TFEC: variants seen among roughly 807,000 people sequenced by gnomAD.
TFEC encodes transcription factor EC, also known as class E basic helix-loop-helix protein 34.
A neutral mutation model predicts 41.6 loss-of-function variants in TFEC; 31 were observed. The ratio of observed to expected loss-of-function variants is 0.74; its 90% CI spans 0.56 to 1.01. The LOEUF is 1.01. Ranked by LOEUF, TFEC falls within the 50% of genes least tolerant of loss-of-function variation. The pLI is 0.00. For synonymous variants in TFEC, 143 were observed against 140.6 expected, an observed-to-expected ratio of 1.02 and a Z score of -0.12; for missense variants, 402 against 404.1, an observed-to-expected ratio of 0.99 and a Z score of 0.04.
At chr7:116,015,050 A>G (rs993323022) in intron 1 of TFEC, among the ~76,000 whole-genome samples, 2 of 151,504 alleles carry the variant, frequency 1.3e-5, no homozygotes, top group African/African-American at 2.4e-5. Flanking sequence ...TAATTTTGTT[A>G]CAGCAGCAAT....
intron 1 of TFEC, among the ~76,000 whole-genome samples, chr7:115,996,302 C>T (rs1269584602): frequency 6.6e-6 from 1 of 152,040 alleles, no homozygotes; most frequent in Non-Finnish European, 1.5e-5. Context: ...CAGAGCCTAG[C>T]TCATGGCCAT....
chr7:115,952,449 T>C (rs1375696783), intron 5 of TFEC, among the ~76,000 whole-genome samples: 1 of 152,088 alleles, frequency 6.6e-6, no homozygotes, highest in African/African-American at 2.4e-5. Context: ...TTAACTCTTA[T>C]AAGCCAGACT....
chr7:116,081,044 C>G (rs941464911), intron 3 of TFEC, among the ~76,000 whole-genome samples: 1 of 146,848 alleles, frequency 6.8e-6, no homozygotes, highest in Non-Finnish European at 1.5e-5. Context: ...TACTACTCAG[C>G]CATAAAAATG....
chr7:115,956,675 T>C lies in TFEC; in HGVS notation c.382+4A>G. ...AAAGGGTAAAACTATAAAAGCAACATTACCTGTAATTTCTCTTTTCATTGG... is the reference window on the plus strand; with the variant it reads ...AAAGGGTAAAACTATAAAAGCAACACTACCTGTAATTTCTCTTTTCATTGG... On this transcript the variant is annotated splice_donor_region_variant and intron_variant, in intron 4 of 7. Transcript: ENST00000265440. 6.3e-7 allele frequency: 1 copy of C among 1,591,188 alleles called. No individual in the cohort carries two copies. The highest frequency in any genetic ancestry group is 2.3e-5 in the East Asian group (1 of 44,410).
At chr7:116,120,103 T>C (rs1184439736) in intron 1 of TFEC, 3 of 151,898 alleles carry the variant, frequency 2.0e-5, no homozygotes, top group East Asian at 3.9e-4. Flanking sequence ...CACCTGGGCC[T>C]GGGAATGAAT....
intron 3 of TFEC, among the ~76,000 whole-genome samples, chr7:116,094,034 CAAG>C (rs896133183): frequency 9.9e-5 from 15 of 152,108 alleles, no homozygotes; most frequent in African/African-American, 3.6e-4. Flanking sequence ...AACAAAACCA[CAAG>C]AAGAAATTGA....
chr7:116,022,687 T>A (rs1217842368), intron 1 of TFEC, among the ~76,000 whole-genome samples: 3 of 152,190 alleles, frequency 2.0e-5, no homozygotes, highest in Non-Finnish European at 4.4e-5. Flanking sequence ...AATATAGTAT[T>A]TTGTAATGTA....
intron 1 of TFEC, among the ~76,000 whole-genome samples, chr7:116,155,568 AG>A (rs376116027): frequency 3.3e-5 from 5 of 151,752 alleles, no homozygotes; most frequent in Admixed American, 6.6e-5. Context: ...TTGCAGTGCC[AG>A]GAAAAAAAAA....
chr7:115,950,125 C>T (rs893614973), intron 6 of TFEC, among the ~76,000 whole-genome samples: 3 of 151,752 alleles, frequency 2.0e-5, no homozygotes, highest in Non-Finnish European at 4.4e-5. Context: ...AATTCTCCCA[C>T]CTCAGCCTCC....
intron 1 of TFEC, chr7:116,112,158 TAA>T: frequency 2.9e-6 from 1 of 348,836 alleles, no homozygotes; most frequent in Non-Finnish European, 4.0e-6. Context: ...TTCAATGTGA[TAA>T]GTTGCATCTT....
At chr7:116,019,534 T>G (rs1190738097) in intron 1 of TFEC, among the ~76,000 whole-genome samples, 1 of 152,214 alleles carries the variant, frequency 6.6e-6, no homozygotes, top group Non-Finnish European at 1.5e-5. Flanking sequence ...AAATCAGTGA[T>G]GTATTGCACA....
intron 3 of TFEC, among the ~76,000 whole-genome samples, chr7:116,109,985 C>T (rs1017287783): frequency 3.9e-5 from 6 of 152,074 alleles, no homozygotes; most frequent in African/African-American, 1.2e-4. Context: ...GACAAAAAAC[C>T]AAACACCGCA....
chr7:116,151,693 C>T (rs543175247), intron 1 of TFEC, among the ~76,000 whole-genome samples: 26 of 151,604 alleles, frequency 1.7e-4, no homozygotes, highest in Non-Finnish European at 1.5e-5. Context: ...ATGCTTATCT[C>T]TTAATATCAT....
In TFEC at chr7:115,980,835, A is replaced by C. The variant is rs538586220; in HGVS notation, c.180+3427T>G. On this transcript the variant is annotated intron_variant, in intron 2 of 7. Coordinates refer to ENST00000265440, the MANE Select transcript of TFEC (RefSeq NM_012252.4). Reference sequence around the variant, plus strand: ...TAGTAAACCATAGTGCTGTTTAAAAAATTAATTTAAAATACCACCTGACAT... The same window carrying C: ...TAGTAAACCATAGTGCTGTTTAAAACATTAATTTAAAATACCACCTGACAT... Among the ~76,000 whole-genome samples the C allele has an allele frequency of 1.7e-4, 26 of 152,246 alleles. 1 individual carries two copies. The South Asian group carries it at 4.8e-3, about 28-fold the overall frequency.
At chr7:116,004,815 G>A (rs1265880586) in intron 1 of TFEC, among the ~76,000 whole-genome samples, 28 of 151,962 alleles carry the variant, frequency 1.8e-4, no homozygotes, top group Admixed American at 1.8e-3. Context: ...ATCATAGGGA[G>A]ATCAGTATTA....
At chr7:116,047,646 A>G (rs539799060) in intron 3 of TFEC, among the ~76,000 whole-genome samples, 47 of 152,316 alleles carry the variant, frequency 3.1e-4, no homozygotes, top group African/African-American at 1.1e-3. Flanking sequence ...AGCTTTGAAG[A>G]GAGTAGTGGT....
chr7:116,081,510 G>C (rs1797089613), intron 3 of TFEC, among the ~76,000 whole-genome samples: 1 of 151,962 alleles, frequency 6.6e-6, no homozygotes, highest in Non-Finnish European at 1.5e-5. Context: ...CCCTGCCTTA[G>C]TTAAGTAGGT....
intron 3 of TFEC, among the ~76,000 whole-genome samples, chr7:116,048,961 T>C (rs1469907447): frequency 6.6e-6 from 1 of 152,152 alleles, no homozygotes; most frequent in Non-Finnish European, 1.5e-5. Flanking sequence ...AAGCCTGCCT[T>C]ACAAGAGCTC....
At chr7:116,147,026 G>A (rs972387773) in intron 1 of TFEC, among the ~76,000 whole-genome samples, 7 of 152,128 alleles carry the variant, frequency 4.6e-5, no homozygotes, top group African/African-American at 1.4e-4. Flanking sequence ...TTTGTGAACT[G>A]CGAGACATAT....
Sources: allele counts gnomAD v4.1 joint callset (sites outside exome capture counted in the v4.1 genomes callset), GRCh38; gene constraint gnomAD v4.1.1; transcripts MANE v1.5; gene names NCBI Gene and HGNC (gene_info 2026-07-23, HGNC 2026-07-21).